The following CDH13 variants were observed in gnomAD, a reference collection of about 807,000 sequenced individuals.
The protein encoded by CDH13 is cadherin-13.
Under a neutral mutation model 63.8 loss-of-function variants are expected in CDH13, and 24 were observed. The ratio of observed to expected loss-of-function variants is 0.38; its 90% confidence interval spans 0.27 to 0.53. The LOEUF (loss-of-function observed/expected upper bound fraction) is 0.53. CDH13 is among the 20% of genes least tolerant of loss of function. The pLI is 0.85. For synonymous variants in CDH13, 503 were observed against 355.3 expected (o/e 1.42, Z -4.67); for missense variants, 1,049 against 903.1 (o/e 1.16, Z -2.07).
At chr16:83,475,563 A>G (rs1254633108) in intron 6 of CDH13, among the ~76,000 whole-genome samples, 2 of 152,212 alleles carry the variant, frequency 1.3e-5, no homozygotes, top group East Asian at 3.9e-4. Flanking sequence ...AGCCTAATAT[A>G]GTCTATGTGG....
At chr16:82,647,791 G>A (rs1408396758) in intron 1 of CDH13, among the ~76,000 whole-genome samples, 2 of 152,186 alleles carry the variant, frequency 1.3e-5, no homozygotes. Flanking sequence ...TTGGGGTTGG[G>A]TGGTGAGCTG....
Position 83,373,916 on chromosome 16 carries a change from G to A in CDH13, c.781+28910G>A, listed in dbSNP as rs571646875. 7.2e-5 allele frequency among the ~76,000 whole-genome samples: 11 copies of A among 152,216 alleles called. No individual in the cohort carries two copies. In the South Asian group the frequency reaches 1.5e-3, roughly 20 times the overall value. The stretch of plus-strand genomic sequence containing the variant: ...GGATACATCCAACCGCAGGCAACCC[G>A]AAAGGGAAGGATCCAGGGGAATGAG... On this transcript the variant is annotated intron_variant, in intron 6 of 13. Transcript: ENST00000567109.
At chr16:83,451,699 G>A (rs2072891393) in intron 6 of CDH13, among the ~76,000 whole-genome samples, 1 of 152,016 alleles carries the variant, frequency 6.6e-6, no homozygotes, top group Non-Finnish European at 1.5e-5. Flanking sequence ...TTACTTTTTT[G>A]TAGAGACGAG....
chr16:83,548,370 T>C (rs748744299), intron 7 of CDH13, among the ~76,000 whole-genome samples: 3 of 152,146 alleles, frequency 2.0e-5, no homozygotes, highest in Non-Finnish European at 2.9e-5. Context: ...TAGCATTTCA[T>C]AGGTAAAAAC....
intron 2 of CDH13, among the ~76,000 whole-genome samples, chr16:82,871,384 T>C (rs1176235153): frequency 1.3e-5 from 2 of 152,064 alleles, no homozygotes; most frequent in Non-Finnish European, 2.9e-5. Flanking sequence ...AGTTTGTATG[T>C]ATATCAGAGG....
chr16:83,087,408 G>T (rs993931016), intron 3 of CDH13, among the ~76,000 whole-genome samples: 1 of 152,010 alleles, frequency 6.6e-6, no homozygotes, highest in Non-Finnish European at 1.5e-5. Flanking sequence ...GGTGGCTCAC[G>T]CCTGTAATCC....
At chr16:82,780,651 T>C (rs1439437175) in intron 1 of CDH13, among the ~76,000 whole-genome samples, 1 of 152,248 alleles carries the variant, frequency 6.6e-6, no homozygotes, top group Non-Finnish European at 1.5e-5. Context: ...GGAAGATTCA[T>C]GGTTTAATAA....
intron 10 of CDH13, among the ~76,000 whole-genome samples, chr16:83,745,993 G>A (rs544260564): frequency 1.3e-5 from 2 of 152,330 alleles, no homozygotes; most frequent in South Asian, 4.1e-4. Flanking sequence ...TCCAAGGTCA[G>A]ACCACCTGGG....
At chr16:82,936,319 T>C (rs1597248250) in intron 2 of CDH13, among the ~76,000 whole-genome samples, 2 of 152,192 alleles carry the variant, frequency 1.3e-5, no homozygotes, top group South Asian at 4.1e-4. Context: ...CATCTGCCTG[T>C]GTAATTTCTT....
intron 1 of CDH13, among the ~76,000 whole-genome samples, chr16:82,857,978 C>A (rs891841424): frequency 6.6e-6 from 1 of 152,254 alleles, no homozygotes; most frequent in East Asian, 1.9e-4. Flanking sequence ...CTCTTTCCTC[C>A]TCTTCATAGA....
chr16:83,424,556 G>C (rs1257174009), intron 6 of CDH13, among the ~76,000 whole-genome samples: 1 of 152,062 alleles, frequency 6.6e-6, no homozygotes, highest in African/African-American at 2.4e-5. Context: ...ATATTAGTTA[G>C]ACTGAGGCAA....
At chr16:82,637,112 G>A (rs533079309) in intron 1 of CDH13, among the ~76,000 whole-genome samples, 55 of 152,294 alleles carry the variant, frequency 3.6e-4, no homozygotes, top group African/African-American at 1.3e-3. Context: ...TCACTTACAA[G>A]GAAACAGGAC....
chr16:82,925,073 C>G (rs923354122), intron 2 of CDH13, among the ~76,000 whole-genome samples: 1 of 152,146 alleles, frequency 6.6e-6, no homozygotes, highest in African/African-American at 2.4e-5. Flanking sequence ...GAGATCCAAA[C>G]TTTCCCTGCC....
intron 1 of CDH13, among the ~76,000 whole-genome samples, chr16:82,678,206 T>C (rs1597298838): frequency 6.6e-6 from 1 of 152,238 alleles, no homozygotes; most frequent in Non-Finnish European, 1.5e-5. Context: ...ATGATTTATA[T>C]TTTCATCTCG....
intron 2 of CDH13, among the ~76,000 whole-genome samples, chr16:82,936,479 C>T (rs2042670891): frequency 6.6e-6 from 1 of 152,128 alleles, no homozygotes; most frequent in South Asian, 2.1e-4. Flanking sequence ...CAACTTTCCC[C>T]ATCCCATGAA....
intron 1 of CDH13, among the ~76,000 whole-genome samples, chr16:82,696,750 C>T (rs1381870156): frequency 6.6e-6 from 1 of 152,052 alleles, no homozygotes; most frequent in Admixed American, 6.6e-5. Flanking sequence ...GAAATTTTCC[C>T]CAAATTTAGT....
At chr16:82,719,869 G>A (rs1256561869) in intron 1 of CDH13, among the ~76,000 whole-genome samples, 3 of 143,468 alleles carry the variant, frequency 2.1e-5, no homozygotes, top group African/African-American at 7.7e-5. Flanking sequence ...AAAAAAAAAG[G>A]TCTTACTGTA....
intron 5 of CDH13, among the ~76,000 whole-genome samples, chr16:83,248,860 C>T (rs1252728630): frequency 2.0e-5 from 3 of 152,162 alleles, no homozygotes; most frequent in African/African-American, 7.2e-5. Context: ...GGCAATTGTC[C>T]ACTTGAATCA....
At chr16:82,961,937 A>C (rs373473126) in intron 2 of CDH13, among the ~76,000 whole-genome samples, 5 of 152,198 alleles carry the variant, frequency 3.3e-5, no homozygotes, top group African/African-American at 1.2e-4. Flanking sequence ...GGCCCCAAAC[A>C]TCGATAGTGC....
Sources: gnomAD v4.1 joint callset for allele counts (sites outside exome capture counted in the v4.1 genomes callset) on GRCh38, gnomAD v4.1.1 for gene constraint, MANE v1.5 for transcripts, NCBI Gene and HGNC (gene_info 2026-07-23, HGNC 2026-07-21) for gene names.